Variants in BCCIP observed in about 807,000 individuals in gnomAD.
BCCIP encodes BRCA2 and CDKN1A-interacting protein.
A neutral mutation model predicts 32.8 loss-of-function variants in BCCIP; 23 were observed. The ratio of observed to expected loss-of-function variants is 0.70; its 90% CI spans 0.51 to 0.99. BCCIP has a LOEUF of 0.99. Among genes scored for constraint, BCCIP ranks in the 50% least tolerant of loss-of-function variants. The pLI is 0.00. For synonymous variants in BCCIP, 144 were observed against 137.6 expected (o/e 1.05, Z -0.33); for missense variants, 378 against 379.8 (o/e 1.00, Z 0.04).
intron 7 of BCCIP, among the ~76,000 whole-genome samples, chr10:125,850,443 C>T (rs1395371381): frequency 6.6e-6 from 1 of 151,252 alleles, no homozygotes; most frequent in African/African-American, 2.4e-5. Flanking sequence ...CCGCAACCTC[C>T]ACCTCCTGAG....
chr10:125,847,094 G>C (rs1161727884), downstream of BCCIP, among the ~76,000 whole-genome samples: 1 of 151,952 alleles, frequency 6.6e-6, no homozygotes, highest in Admixed American at 6.6e-5. Flanking sequence ...GAGTCCACAG[G>C]GGGAGACTCT....
chr10:125,852,317 G>A lies in BCCIP; in HGVS notation c.851-808G>A, dbSNP rs746822709. The A allele has an allele frequency of 1.1e-5, 18 of 1,614,026 alleles. No homozygotes were observed. The East Asian group carries it at 2.5e-4, about 22-fold the overall frequency. ...CCTGGTCTGTTCATGAAGTCACAGT[G>A]GCCTAGGCCCGCAATGTCTATCCTC... is the stretch of plus-strand genomic sequence containing the variant. On this transcript the variant is annotated intron_variant, in intron 7 of 7. Transcript: ENST00000368759.
chr10:125,850,530 T>C (rs560303397), intron 7 of BCCIP, among the ~76,000 whole-genome samples: 1 of 152,044 alleles, frequency 6.6e-6, no homozygotes, highest in East Asian at 1.9e-4. Flanking sequence ...GCTAATTTTG[T>C]TTTTAGTAGA....
intron 7 of BCCIP, chr10:125,852,323 G>T: frequency 6.2e-7 from 1 of 1,614,128 alleles, no homozygotes; most frequent in Non-Finnish European, 8.5e-7. Context: ...CAGTGGCCTA[G>T]GCCCGCAATG....
downstream of BCCIP, chr10:125,841,303 T>C (rs145631944): frequency 2.2e-5 from 35 of 1,614,006 alleles, no homozygotes; most frequent in Non-Finnish European, 2.5e-5. Flanking sequence ...AAGAAGAGGA[T>C]TGGAACCAGT....
chr10:125,850,710 C>T (rs985942311), intron 7 of BCCIP, among the ~76,000 whole-genome samples: 3 of 152,206 alleles, frequency 2.0e-5, no homozygotes, highest in Non-Finnish European at 2.9e-5. Context: ...CCTTATCTAA[C>T]GTGCCATGCC....
rs753533068 is a variant in BCCIP, at chr10:125,823,615, C to T, written c.58C>T (p.Pro20Ser). The T allele has an allele frequency of 4.3e-6, 7 of 1,613,950 alleles. No homozygotes were observed. Among genetic ancestry groups the T allele is most frequent in the Non-Finnish European group, 5.9e-6 (7 of 1,179,992 alleles). Residue 20 changes from proline to serine, a missense_variant, in exon 1 of 7, where the codon CCC becomes TCC. Pro to Ser is a moderately conservative substitution (Grantham distance 74). Transcript: ENST00000278100. ...AAGTGGGGTTCCGCAGCCGCCGGAT[C>T]CCCCAGTCCAGCGCGACGAGGAAGA... Reference protein sequence around the residue: ...VESGVPQPPDPPVQRDEEEEK... With the variant: ...VESGVPQPPDSPVQRDEEEEK...
chr10:125,846,169 G>A (rs1308019289), downstream of BCCIP, among the ~76,000 whole-genome samples: 1 of 152,108 alleles, frequency 6.6e-6, no homozygotes, highest in Non-Finnish European at 1.5e-5. Context: ...ATTACCAACG[G>A]TCTCCACTCC....
chr10:125,852,178 C>A, intron 7 of BCCIP: 1 of 1,316,056 alleles, frequency 7.6e-7, no homozygotes, highest in Non-Finnish European at 1.0e-6. Flanking sequence ...TCCAAACCAA[C>A]GCCCCCTCCA....
At chr10:125,840,079 C>G (rs1854828734), downstream of BCCIP, among the ~76,000 whole-genome samples, 1 of 152,232 alleles carries the variant, frequency 6.6e-6, no homozygotes, top group Non-Finnish European at 1.5e-5. Context: ...TTCACACCAT[C>G]TTTCAGAACA....
chr10:125,824,635 C>G (rs986643514), intron 1 of BCCIP, among the ~76,000 whole-genome samples: 1 of 152,226 alleles, frequency 6.6e-6, no homozygotes, highest in Non-Finnish European at 1.5e-5. Flanking sequence ...GTCCACACCT[C>G]TATCATCTCT....
chr10:125,838,860 A>T, downstream of BCCIP: 2 of 1,005,360 alleles, frequency 2.0e-6, no homozygotes, highest in South Asian at 1.6e-5. Flanking sequence ...AAGGATACTT[A>T]AGTACCAAAT....
chr10:125,844,446 G>T (rs1386706109), downstream of BCCIP, among the ~76,000 whole-genome samples: 1 of 152,192 alleles, frequency 6.6e-6, no homozygotes, highest in Non-Finnish European at 1.5e-5. Flanking sequence ...GCCGCACACA[G>T]GGTTAGTAAC....
At chr10:125,823,992 C>T (rs946747658) in intron 1 of BCCIP, among the ~76,000 whole-genome samples, 1 of 152,144 alleles carries the variant, frequency 6.6e-6, no homozygotes, top group Admixed American at 6.5e-5. Context: ...TTCTCGTCCT[C>T]TTTAGTTCTC....
intron 3 of BCCIP, 87 bp downstream of exon 3, chr10:125,827,725 T>C (rs1854432263): frequency 3.9e-6 from 4 of 1,030,324 alleles, no homozygotes; most frequent in African/African-American, 1.6e-5. Flanking sequence ...ATCCCAGCAC[T>C]TTGGGAAGCA....
At chr10:125,827,098 A>G (rs1230478786) in intron 2 of BCCIP, among the ~76,000 whole-genome samples, 1 of 147,468 alleles carries the variant, frequency 6.8e-6, no homozygotes, top group Admixed American at 6.7e-5. Flanking sequence ...AGGAAGAATT[A>G]TTTCCTTTCA....
intron 1 of BCCIP, among the ~76,000 whole-genome samples, chr10:125,824,084 T>C (rs554188540): frequency 6.6e-6 from 1 of 152,340 alleles, no homozygotes; most frequent in South Asian, 2.1e-4. Flanking sequence ...GCTGTCCTCC[T>C]CTTCACTCTG....
intron 7 of BCCIP, chr10:125,852,627 T>G: frequency 6.2e-7 from 1 of 1,611,200 alleles, no homozygotes; most frequent in South Asian, 1.1e-5. Flanking sequence ...TTTGCTCTTA[T>G]TCTCGGGTTG....
intron 7 of BCCIP, chr10:125,852,450 T>C: frequency 1.2e-6 from 2 of 1,613,980 alleles, no homozygotes; most frequent in Non-Finnish European, 1.7e-6. Context: ...AGAAAAATTT[T>C]CCTAAAAGAC....
Sources: allele counts gnomAD v4.1 joint callset (sites outside exome capture counted in the v4.1 genomes callset), GRCh38; gene constraint gnomAD v4.1.1; transcripts MANE v1.5; gene names NCBI Gene and HGNC (gene_info 2026-07-23, HGNC 2026-07-21).